The following KCNMA1 variants were observed in gnomAD, a reference collection of about 807,000 sequenced individuals.
KCNMA1 encodes the protein potassium calcium-activated channel subfamily M alpha 1.
In KCNMA1, 29 loss-of-function variants were observed where a neutral mutation model predicts 140.0. That is an observed-to-expected ratio of 0.21 (90% CI 0.15 to 0.28). KCNMA1 has a LOEUF of 0.28. Ranked by LOEUF, KCNMA1 falls within the 10% of genes least tolerant of loss-of-function variation. KCNMA1 has a pLI of 1.00. For synonymous variants in KCNMA1, 612 were observed against 611.9 expected (o/e 1.00, Z 0.00); for missense variants, 880 against 1,602.2 (o/e 0.55, Z 7.70).
At chr10:77,622,989 G>A (rs912125548) in intron 1 of KCNMA1, among the ~76,000 whole-genome samples, 5 of 152,202 alleles carry the variant, frequency 3.3e-5, no homozygotes, top group African/African-American at 4.8e-5. Context: ...AGGAACATGG[G>A]TGAACAGGCA....
chr10:76,909,586 C>CA (rs2049245543), intron 25 of KCNMA1, among the ~76,000 whole-genome samples: 1 of 152,216 alleles, frequency 6.6e-6, no homozygotes, highest in African/African-American at 2.4e-5. Flanking sequence ...CAGGTCCCCC[C>CA]CAACACCAGG....
At chr10:77,343,889 G>T (rs1299027063) in intron 2 of KCNMA1, among the ~76,000 whole-genome samples, 3 of 152,218 alleles carry the variant, frequency 2.0e-5, no homozygotes, top group African/African-American at 7.2e-5. Flanking sequence ...CAGTCATTGA[G>T]GCTATTGAGA....
intron 2 of KCNMA1, among the ~76,000 whole-genome samples, chr10:77,292,596 A>G (rs965742146): frequency 2.0e-5 from 3 of 152,194 alleles, no homozygotes; most frequent in African/African-American, 7.2e-5. Context: ...AGCCATGATT[A>G]GGTCTCCTCC....
chr10:77,342,385 G>A (rs538833332), intron 2 of KCNMA1, among the ~76,000 whole-genome samples: 1 of 152,316 alleles, frequency 6.6e-6, no homozygotes, highest in East Asian at 1.9e-4. Flanking sequence ...CATTTTACAG[G>A]TGGAAGGGAA....
At chr10:77,220,362 T>C (rs904845672) in intron 3 of KCNMA1, among the ~76,000 whole-genome samples, 1 of 152,216 alleles carries the variant, frequency 6.6e-6, no homozygotes, top group Non-Finnish European at 1.5e-5. Context: ...GGGGCAGCCA[T>C]GTGCTCTGCG....
chr10:77,050,664 C>T (rs1208810683), intron 14 of KCNMA1, among the ~76,000 whole-genome samples: 1 of 152,166 alleles, frequency 6.6e-6, no homozygotes, highest in Non-Finnish European at 1.5e-5. Context: ...CTAACAAGCT[C>T]GCAGATGACA....
chr10:77,508,774 T>G (rs1172471270), intron 1 of KCNMA1, among the ~76,000 whole-genome samples: 1 of 152,018 alleles, frequency 6.6e-6, no homozygotes, highest in Non-Finnish European at 1.5e-5. Flanking sequence ...CAACCCATGG[T>G]GAAACCCTGT....
At chr10:76,941,616 T>G (rs900935067) in intron 23 of KCNMA1, among the ~76,000 whole-genome samples, 16 of 152,114 alleles carry the variant, frequency 1.1e-4, no homozygotes, top group African/African-American at 3.6e-4. Context: ...GGCCTAGAGC[T>G]TTGACACTCT....
chr10:76,949,809 C>A (rs1278578066), intron 21 of KCNMA1, among the ~76,000 whole-genome samples: 1 of 152,110 alleles, frequency 6.6e-6, no homozygotes, highest in African/African-American at 2.4e-5. Flanking sequence ...TGGTCAGATG[C>A]CTGCACTGGG....
At chr10:77,243,006 G>A (rs1030622089) in intron 3 of KCNMA1, among the ~76,000 whole-genome samples, 4 of 151,342 alleles carry the variant, frequency 2.6e-5, no homozygotes, top group Admixed American at 2.6e-4. Flanking sequence ...GCATCAAAAA[G>A]TCCCAAGGGC....
chr10:77,247,919 A>T (rs1338523195), intron 3 of KCNMA1, among the ~76,000 whole-genome samples: 1 of 152,162 alleles, frequency 6.6e-6, no homozygotes. Flanking sequence ...TCTTAGCCAG[A>T]TAGTAATCAC....
chr10:77,105,625 T>C (rs576963907), intron 9 of KCNMA1, among the ~76,000 whole-genome samples: 1 of 152,306 alleles, frequency 6.6e-6, no homozygotes, highest in East Asian at 1.9e-4. Context: ...AACATGTATG[T>C]GTGTGTCCAT....
chr10:77,587,725 G>T (rs2077667329), intron 1 of KCNMA1: 1 of 985,262 alleles, frequency 1.0e-6, no homozygotes, highest in South Asian at 4.7e-5. Context: ...CTTTGCAGAG[G>T]CTGTTTTGCT....
At chr10:77,113,891 T>A (rs2097385330) in intron 6 of KCNMA1, among the ~76,000 whole-genome samples, 1 of 152,216 alleles carries the variant, frequency 6.6e-6, no homozygotes, top group African/African-American at 2.4e-5. Flanking sequence ...TTAACAAAAA[T>A]CCCAAATACC....
intron 5 of KCNMA1, chr10:77,140,407 T>A (rs1208008395): frequency 6.6e-6 from 1 of 152,358 alleles, no homozygotes; most frequent in Non-Finnish European, 1.5e-5. Flanking sequence ...ATGGAACAGG[T>A]CCCCCAGGGA....
At chr10:77,457,601 G>A (rs1451502184) in intron 1 of KCNMA1, among the ~76,000 whole-genome samples, 1 of 151,942 alleles carries the variant, frequency 6.6e-6, no homozygotes, top group Non-Finnish European at 1.5e-5. Flanking sequence ...TTTTTTGCTT[G>A]GCTTTTTATC....
chr10:77,581,657 A>G (rs2075929007), intron 1 of KCNMA1, among the ~76,000 whole-genome samples: 1 of 152,110 alleles, frequency 6.6e-6, no homozygotes, highest in Non-Finnish European at 1.5e-5. Context: ...GCCTGGGCCC[A>G]CCCAACTGCC....
intron 3 of KCNMA1, among the ~76,000 whole-genome samples, chr10:77,230,768 G>C (rs538751159): frequency 6.5e-4 from 99 of 152,192 alleles, no homozygotes; most frequent in African/African-American, 2.3e-3. Context: ...ATATTCCTGG[G>C]AAGTCATCCT....
At chr10:77,376,948 AATACATACATAC>A (rs66548732) in intron 2 of KCNMA1, among the ~76,000 whole-genome samples, 7 of 148,430 alleles carry the variant, frequency 4.7e-5, no homozygotes, top group Admixed American at 2.7e-4. Context: ...AAAATAAATA[AATACATACATAC>A]ATACATACAT....
Sources: allele counts gnomAD v4.1 joint callset (sites outside exome capture counted in the v4.1 genomes callset), GRCh38; gene constraint gnomAD v4.1.1; transcripts MANE v1.5; gene names NCBI Gene and HGNC (gene_info 2026-07-23, HGNC 2026-07-21).